The following ECHDC1 variants were observed in gnomAD, a reference collection of about 807,000 sequenced individuals.
ECHDC1 encodes the protein ethylmalonyl-CoA decarboxylase 1.
ECHDC1 carries 29 observed loss-of-function variants against 29.7 expected under a neutral mutation model. The observed-to-expected ratio is 0.98, with a 90% CI of 0.73 to 1.33. The LOEUF (loss-of-function observed/expected upper bound fraction) is 1.33. Among genes scored for constraint, ECHDC1 ranks in the 40% most tolerant of loss-of-function variants. The pLI is 0.00. For synonymous variants in ECHDC1, 126 were observed against 123.1 expected (o/e 1.02, Z -0.15); for missense variants, 328 against 350.0 (o/e 0.94, Z 0.50).
intron 3 of ECHDC1, among the ~76,000 whole-genome samples, chr6:127,318,751 A>T (rs1782598887): frequency 6.6e-6 from 1 of 152,182 alleles, no homozygotes; most frequent in African/African-American, 2.4e-5. Context: ...GTGTTTGTTG[A>T]ACTTAAAAAA....
intron 3 of ECHDC1, among the ~76,000 whole-genome samples, chr6:127,319,431 A>G (rs537827851): frequency 3.9e-5 from 6 of 152,338 alleles, no homozygotes; most frequent in Admixed American, 2.0e-4. Context: ...TATTATTAAT[A>G]TTACTAACAA....
chr6:127,324,698 T>C (rs1385374146), intron 3 of ECHDC1, among the ~76,000 whole-genome samples: 1 of 152,112 alleles, frequency 6.6e-6, no homozygotes, highest in Non-Finnish European at 1.5e-5. Context: ...AAGGGAGTAC[T>C]CAAAAAACAA....
chr6:127,320,168 C>G (rs890195374), intron 3 of ECHDC1, among the ~76,000 whole-genome samples: 1 of 152,094 alleles, frequency 6.6e-6, no homozygotes, highest in Admixed American at 6.6e-5. Context: ...CTGGCACCTG[C>G]CACCATGGCC....
intron 3 of ECHDC1, among the ~76,000 whole-genome samples, chr6:127,318,419 T>C (rs1582974530): frequency 6.6e-6 from 1 of 152,242 alleles, no homozygotes; most frequent in East Asian, 1.9e-4. Flanking sequence ...TTATAAATTG[T>C]GTTGTATGAA....
rs540287841 is a variant in ECHDC1 at position 127,325,164 on chromosome 6, T to A, written c.363+1838A>T. 5.3e-5 allele frequency among the ~76,000 whole-genome samples: 8 copies of A among 152,308 alleles called. No individual in the cohort carries two copies. The South Asian group carries it at 1.5e-3, about 28-fold the overall frequency. On this transcript the variant is annotated intron_variant, in intron 3 of 5. Coordinates refer to ENST00000454859, the MANE Select transcript of ECHDC1 (RefSeq NM_001002030.2). ...CTTACCTCTGGTCTTTCTCTCAGAA[T>A]CCCATAACCCCAGCCTAATATGAGA... is the stretch of plus-strand genomic sequence containing the variant.
chr6:127,340,240 C>A (rs931257114), intron 1 of ECHDC1, among the ~76,000 whole-genome samples: 2 of 152,152 alleles, frequency 1.3e-5, no homozygotes, highest in African/African-American at 4.8e-5. Context: ...TTAAGGATAA[C>A]CTGATGCATT....
At chr6:127,339,251 A>G (rs1400281115) in intron 1 of ECHDC1, among the ~76,000 whole-genome samples, 1 of 150,300 alleles carries the variant, frequency 6.7e-6, no homozygotes, top group African/African-American at 2.5e-5. Context: ...TTAAAAAATC[A>G]TGCACAACCA....
chr6:127,307,485 T>C (rs1209573013), intron 5 of ECHDC1, among the ~76,000 whole-genome samples: 1 of 151,328 alleles, frequency 6.6e-6, no homozygotes, highest in Admixed American at 6.6e-5. Flanking sequence ...AAAAATTAGC[T>C]GGGCATGGTG....
At chr6:127,334,858 T>C (rs1267614906) in intron 1 of ECHDC1, among the ~76,000 whole-genome samples, 1 of 151,328 alleles carries the variant, frequency 6.6e-6, no homozygotes, top group Non-Finnish European at 1.5e-5. Flanking sequence ...TAATGTTCCA[T>C]TTTAACACAT....
chr6:127,302,240 TGAA>T (rs1781107884), intron 5 of ECHDC1, among the ~76,000 whole-genome samples: 1 of 152,140 alleles, frequency 6.6e-6, no homozygotes, highest in African/African-American at 2.4e-5. Context: ...GAAATCAATA[TGAA>T]GAATAGTACA....
At chr6:127,294,409 T>C (rs1288090026) in intron 5 of ECHDC1, 1 of 152,210 alleles carries the variant, frequency 6.6e-6, no homozygotes, top group Admixed American at 6.5e-5. Flanking sequence ...CACGTATATT[T>C]TCCTGGCACT....
intron 1 of ECHDC1, chr6:127,342,749 T>G (rs1211160738): frequency 1.0e-5 from 2 of 196,196 alleles, no homozygotes; most frequent in Non-Finnish European, 2.1e-5. Context: ...TAAACTTAAC[T>G]GTGTTTTTAA....
chr6:127,310,834 G>C (rs763769842), intron 5 of ECHDC1, among the ~76,000 whole-genome samples: 4 of 152,042 alleles, frequency 2.6e-5, no homozygotes, highest in Non-Finnish European at 5.9e-5. Context: ...CTTAGTTTAA[G>C]AAGTTGTCAC....
chr6:127,314,114 C>T (rs1782166441), intron 5 of ECHDC1, among the ~76,000 whole-genome samples: 1 of 152,262 alleles, frequency 6.6e-6, no homozygotes, highest in Non-Finnish European at 1.5e-5. Context: ...AAAGAGGCTC[C>T]AGTATGTGAA....
At chr6:127,326,407 T>C in intron 3 of ECHDC1, 1 of 324,798 alleles carries the variant, frequency 3.1e-6, no homozygotes. Flanking sequence ...TGTCTTTTCT[T>C]CATAAACTAC....
chr6:127,330,972 A>C lies in ECHDC1; in HGVS notation c.57T>G (p.His19Gln), dbSNP rs1783877106. 6.2e-7 allele frequency: 1 copy of C among 1,613,988 alleles called. No individual in the cohort carries two copies. Among genetic ancestry groups the C allele is most frequent in the Non-Finnish European group, 8.5e-7 (1 of 1,180,020 alleles). The change falls in exon 2 of 6, where the codon CAT becomes CAG. Residue 19 changes from histidine (H) to glutamine (Q), a missense_variant. Physicochemically the swap from His to Gln is conservative, Grantham distance 24 (BLOSUM62 0). Coordinates refer to ENST00000454859, the MANE Select transcript of ECHDC1 (RefSeq NM_001002030.2). Reference protein sequence around the residue: ...ASLSGRTKLLHQTGLSLYSTS... With the variant: ...ASLSGRTKLLQQTGLSLYSTS... ...TACTATAAAGTGACAATCCTGTTTG[A>C]TGTAGCAATTTTGTCCTTCCAGACA...
intron 5 of ECHDC1, among the ~76,000 whole-genome samples, chr6:127,308,893 A>C (rs143479491): frequency 6.4e-4 from 97 of 152,332 alleles, no homozygotes; most frequent in African/African-American, 2.2e-3. Context: ...CCTAGGAATT[A>C]ACCAAGGAAG....
chr6:127,309,274 A>C (rs895600001), intron 5 of ECHDC1, among the ~76,000 whole-genome samples: 2 of 151,912 alleles, frequency 1.3e-5, no homozygotes, highest in Non-Finnish European at 2.9e-5. Context: ...GAGAACCCAG[A>C]AACAAATCTA....
At chr6:127,307,083 A>G (rs935888574) in intron 5 of ECHDC1, among the ~76,000 whole-genome samples, 1 of 152,174 alleles carries the variant, frequency 6.6e-6, no homozygotes, top group African/African-American at 2.4e-5. Flanking sequence ...TGGGTCAATT[A>G]AAAAATTAAG....
Sources: allele counts gnomAD v4.1 joint callset (sites outside exome capture counted in the v4.1 genomes callset), GRCh38; gene constraint gnomAD v4.1.1; transcripts MANE v1.5; gene names NCBI Gene and HGNC (gene_info 2026-07-23, HGNC 2026-07-21).